Variants in FRMD3 observed in about 807,000 individuals in gnomAD.
The protein encoded by FRMD3 is FERM domain-containing protein 3.
Under a neutral mutation model 70.2 loss-of-function variants are expected in FRMD3, and 33 were observed. The ratio of observed to expected loss-of-function variants is 0.47; its 90% CI spans 0.36 to 0.63. The LOEUF (loss-of-function observed/expected upper bound fraction) is 0.63, where lower values mean the gene tolerates loss of function less well. FRMD3 is among the 20% of genes least tolerant of loss of function. The pLI is 0.00. For synonymous variants in FRMD3, 279 were observed against 255.9 expected (o/e 1.09, Z -0.86); for missense variants, 632 against 711.4 (o/e 0.89, Z 1.27).
rs142272516 is a variant in FRMD3 at position 83,536,930 on chromosome 9, T to TAAAAAAAAAAAAAAAAAAAAAAAAA, written c.147+1154_147+1155insTTTTTTTTTTTTTTTTTTTTTTTTT. ...ATGGGTGGTGTGCCCTGTATTACAC[T>TAAAAAAAAAAAAAAAAAAAAAAAAA]AAAAAAAAAAAAAAAAAAAAAAAGC... On this transcript the variant is annotated intron_variant, in intron 1 of 13. Transcript: ENST00000304195. 2.5e-4 allele frequency among the ~76,000 whole-genome samples: 15 copies of TAAAAAAAAAAAAAAAAAAAAAAAAA among 60,892 alleles called. 1 individual carries two copies. Among genetic ancestry groups the TAAAAAAAAAAAAAAAAAAAAAAAAA allele is most frequent in the East Asian group, 1.0e-3 (2 of 1,942 alleles). 39.9% of individuals were successfully genotyped at this position (60,892 alleles called of 152,430 possible). A position where few individuals can be genotyped will look rare whatever the true frequency, so the allele number is the denominator to read the frequency against.
chr9:83,484,281 A>G (rs1399867185), intron 1 of FRMD3, among the ~76,000 whole-genome samples: 2 of 152,270 alleles, frequency 1.3e-5, no homozygotes, highest in East Asian at 3.8e-4. Flanking sequence ...GCCAATATAT[A>G]GAATACAACA....
chr9:83,285,323 C>T (rs1357214526), intron 13 of FRMD3, among the ~76,000 whole-genome samples: 1 of 152,168 alleles, frequency 6.6e-6, no homozygotes, highest in East Asian at 1.9e-4. Context: ...TTACCATTCT[C>T]TTAGTTTCCA....
intron 13 of FRMD3, among the ~76,000 whole-genome samples, chr9:83,251,661 G>C (rs1180090255): frequency 6.6e-6 from 1 of 152,202 alleles, no homozygotes; most frequent in Non-Finnish European, 1.5e-5. Context: ...AGCCAGGTTA[G>C]AGAGGAACAT....
chr9:83,367,387 AC>A (rs1189882896), intron 3 of FRMD3, among the ~76,000 whole-genome samples: 4 of 152,078 alleles, frequency 2.6e-5, no homozygotes, highest in Non-Finnish European at 2.9e-5. Context: ...ATTGCAACCC[AC>A]CCCATCTCTT....
At chr9:83,583,731 C>T in the FRMD3 span, among the ~76,000 whole-genome samples, 1 of 152,152 alleles carries the variant, frequency 6.6e-6, no homozygotes, top group East Asian at 1.9e-4. Flanking sequence ...ACCTCAGCCT[C>T]CCAAGTAGCT....
chr9:83,406,458 A>G (rs1587822675), intron 1 of FRMD3, among the ~76,000 whole-genome samples: 1 of 152,202 alleles, frequency 6.6e-6, no homozygotes, highest in South Asian at 2.1e-4. Context: ...ACAAAGAAAA[A>G]CAGCAGCCCA....
At chr9:83,346,842 A>G (rs2131175709) in intron 4 of FRMD3, among the ~76,000 whole-genome samples, 1 of 152,254 alleles carries the variant, frequency 6.6e-6, no homozygotes, top group East Asian at 1.9e-4. Flanking sequence ...CATTTATAAC[A>G]AGTTCCCAGG....
intron 1 of FRMD3, among the ~76,000 whole-genome samples, chr9:83,525,602 A>T (rs572385263): frequency 6.6e-6 from 1 of 152,338 alleles, no homozygotes; most frequent in East Asian, 1.9e-4. Flanking sequence ...TGCTCCTGAC[A>T]CTGTCTCAAA....
At chr9:83,511,059 T>C (rs1829328240) in intron 1 of FRMD3, among the ~76,000 whole-genome samples, 1 of 152,148 alleles carries the variant, frequency 6.6e-6, no homozygotes. Flanking sequence ...TGTGGGAGGA[T>C]CCCACTCACA....
chr9:83,583,634 G>A, the FRMD3 span, among the ~76,000 whole-genome samples: 8,152 of 152,022 alleles, frequency 0.054, 738 homozygotes, highest in African/African-American at 0.19. Flanking sequence ...TTTGAGACAG[G>A]GTCTCACTCT....
chr9:83,440,381 T>C lies in FRMD3; in HGVS notation c.148-50673A>G, dbSNP rs114512589. Among the ~76,000 whole-genome samples, 596 of 152,290 alleles carry C rather than the reference T, an allele frequency of 3.9e-3. 4 individuals are homozygous for C. Among genetic ancestry groups the C allele is most frequent in the African/African-American group, 0.014 (565 of 41,566 alleles). On this transcript the variant is annotated intron_variant, in intron 1 of 13. Coordinates refer to ENST00000304195, the MANE Select transcript of FRMD3 (RefSeq NM_174938.6). ...ATCCAATGTCCAAAGAGAGTAATGG[T>C]CCAGTTTCTGACTGGTCCAGTGGAT... is the stretch of plus-strand genomic sequence containing the variant.
intron 13 of FRMD3, among the ~76,000 whole-genome samples, chr9:83,267,658 A>G (rs1381855043): frequency 2.6e-5 from 4 of 152,256 alleles, no homozygotes; most frequent in Non-Finnish European, 4.4e-5. Flanking sequence ...TAATTTTAAT[A>G]ATGTGTTTTA....
intron 13 of FRMD3, among the ~76,000 whole-genome samples, chr9:83,255,125 T>C (rs890185781): frequency 6.6e-6 from 1 of 152,056 alleles, no homozygotes; most frequent in African/African-American, 2.4e-5. Flanking sequence ...GATGCAAAAC[T>C]CCTCAATAAA....
chr9:83,261,570 G>T (rs1023495618), intron 13 of FRMD3, among the ~76,000 whole-genome samples: 3 of 152,098 alleles, frequency 2.0e-5, no homozygotes, highest in African/African-American at 7.2e-5. Flanking sequence ...ACTTGTGAGG[G>T]CCTAAACTCT....
chr9:83,345,477 G>T (rs2131171274), intron 4 of FRMD3, among the ~76,000 whole-genome samples: 1 of 152,248 alleles, frequency 6.6e-6, no homozygotes, highest in Admixed American at 6.5e-5. Context: ...CTCCAGGGGG[G>T]CCGGGCATGG....
chr9:83,345,628 G>T lies in FRMD3; in HGVS notation c.375-2341C>A, dbSNP rs533023143. Among the ~76,000 whole-genome samples the T allele has an allele frequency of 2.0e-5, 3 of 152,074 alleles. No individual in the cohort carries two copies. The South Asian group carries it at 6.2e-4, about 32-fold the overall frequency. On this transcript the variant is annotated intron_variant, in intron 4 of 13. Transcript: ENST00000304195. ...AAAAATTAGTCGGGCGTGGTGGTGGGTGCCTATAATCCCAGCTACTCGGGA... is the reference window on the plus strand; with the variant it reads ...AAAAATTAGTCGGGCGTGGTGGTGGTTGCCTATAATCCCAGCTACTCGGGA...
At chr9:83,430,258 C>T (rs1360216772) in intron 1 of FRMD3, among the ~76,000 whole-genome samples, 1 of 152,108 alleles carries the variant, frequency 6.6e-6, no homozygotes, top group Non-Finnish European at 1.5e-5. Context: ...AAACACAACC[C>T]TTGTCCCACG....
intron 1 of FRMD3, among the ~76,000 whole-genome samples, chr9:83,397,471 A>T (rs1158522291): frequency 2.0e-5 from 3 of 152,060 alleles, no homozygotes; most frequent in Admixed American, 1.3e-4. Flanking sequence ...CCTAGGACAC[A>T]ATGGAGGAAG....
At chr9:83,510,575 G>A (rs1829316635) in intron 1 of FRMD3, among the ~76,000 whole-genome samples, 1 of 152,208 alleles carries the variant, frequency 6.6e-6, no homozygotes, top group African/African-American at 2.4e-5. Flanking sequence ...AATACTCATA[G>A]CAGCACTATT....
Sources: allele counts gnomAD v4.1 joint callset (sites outside exome capture counted in the v4.1 genomes callset), GRCh38; gene constraint gnomAD v4.1.1; transcripts MANE v1.5; gene names NCBI Gene and HGNC (gene_info 2026-07-23, HGNC 2026-07-21).